ERICH6B: variants seen among roughly 807,000 people sequenced by gnomAD.
ERICH6B encodes glutamate rich 6B, also known as glutamate-rich protein 6B.
ERICH6B carries 69 observed loss-of-function variants against 80.0 expected under a neutral mutation model. The observed-to-expected ratio is 0.86, with a 90% CI of 0.71 to 1.05. The LOEUF (loss-of-function observed/expected upper bound fraction) is 1.05. ERICH6B is among the 50% of genes least tolerant of loss of function. ERICH6B has a pLI of 0.00. For synonymous variants in ERICH6B, 283 were observed against 291.9 expected, an observed-to-expected ratio of 0.97 and a Z score of 0.31; for missense variants, 754 against 796.1, an observed-to-expected ratio of 0.95 and a Z score of 0.64.
intron 3 of ERICH6B, among the ~76,000 whole-genome samples, chr13:45,595,524 T>C (rs1467725747): frequency 6.6e-6 from 1 of 151,954 alleles, no homozygotes; most frequent in Non-Finnish European, 1.5e-5. Flanking sequence ...TGTATATAAA[T>C]ATATGTGTGT....
intron 11 of ERICH6B, 140 bp from the exon 12 acceptor site, chr13:45,550,456 G>A: frequency 1.5e-6 from 1 of 645,456 alleles, no homozygotes; most frequent in Non-Finnish European, 2.7e-6. Flanking sequence ...GGAGCTGCGG[G>A]GCTTCAGTTT....
chr13:45,584,004 C>T (rs2985945), intron 5 of ERICH6B, among the ~76,000 whole-genome samples: 63,904 of 152,108 alleles, frequency 0.42, 14,561 homozygotes, highest in Non-Finnish European at 0.51. Flanking sequence ...CTACAGAGCT[C>T]CTTTCCTACG....
chr13:45,563,901 T>A (rs1874804498), intron 9 of ERICH6B, 113 bp from the exon 10 acceptor site: 5 of 837,126 alleles, frequency 6.0e-6, no homozygotes, highest in African/African-American at 3.4e-5. Context: ...CAGGTGGAAA[T>A]GGGGCCAATG....
In ERICH6B at chr13:45,587,067, A is replaced by C; in HGVS notation, c.852T>G (p.Thr284=). 1 of 1,551,232 alleles carries C rather than the reference A, an allele frequency of 6.4e-7. No homozygotes were observed. Among genetic ancestry groups the C allele is most frequent in the Admixed American group, 2.0e-5 (1 of 50,968 alleles). The stretch of plus-strand genomic sequence containing the variant: ...ACAGAGCGCAGCTTCCCTCACCGGC[A>C]GTTCTGTCGTAGCACCAGTCTGTCT... ...ASQTDWCYDR[T]AVKSLKSKSE... Residue 284 remains threonine (T), a synonymous_variant, in exon 5 of 15, where the codon ACT becomes ACG. Transcript: ENST00000298738.
intron 13 of ERICH6B, among the ~76,000 whole-genome samples, chr13:45,547,801 C>G (rs1424361843): frequency 1.3e-5 from 2 of 152,142 alleles, no homozygotes; most frequent in African/African-American, 4.8e-5. Flanking sequence ...GTTTGGTGAT[C>G]TCTCTTGATT....
intron 2 of ERICH6B, 103 bp from the exon 3 acceptor site, chr13:45,597,166 G>GGCTCTTTAAGTAT: frequency 2.5e-6 from 2 of 803,270 alleles, no homozygotes; most frequent in Non-Finnish European, 3.9e-6. Flanking sequence ...GTCTTTGGAG[G>GGCTCTTTAAGTAT]GCTCTTTAAG....
Position 45,541,524 on chromosome 13 carries a change from C to A in ERICH6B, c.2029G>T (p.Val677Phe), listed in dbSNP as rs371764533. 173 of 1,552,026 alleles carry A rather than the reference C, an allele frequency of 1.1e-4. 1 individual carries two copies. Among genetic ancestry groups the A allele is most frequent in the Non-Finnish European group, 1.4e-4 (164 of 1,147,068 alleles). ...TTGTTGTCCATCAGTGATATACTGA[C>A]GGCCTCTATGAAGTTTTCCAGATCA... ...TPDLENFIEAVSISLMDNKYL... is the reference protein window; with the variant it reads ...TPDLENFIEAFSISLMDNKYL... Residue 677 changes from valine (V) to phenylalanine (F), a missense_variant, in exon 15 of 15, where the codon GTC (valine) becomes TTC (phenylalanine). Coordinates refer to ENST00000298738, the MANE Select transcript of ERICH6B (RefSeq NM_182542.3).
rs528644808 is a variant in ERICH6B at position 45,595,503 on chromosome 13, G to GTA, written c.637+864_637+865dup. Among the ~76,000 whole-genome samples the GTA allele has an allele frequency of 9.9e-5, 15 of 151,932 alleles. No individual in the cohort carries two copies. In the South Asian group the frequency reaches 3.1e-3, roughly 32 times the overall value. On this transcript the variant is annotated intron_variant, in intron 3 of 14. Coordinates refer to ENST00000298738, the MANE Select transcript of ERICH6B (RefSeq NM_182542.3). ...TTATAAAAGAGGTGTGTGTGTATGT[G>GTA]TATATATATGTGTATATAAATATAT...
chr13:45,576,355 C>T (rs1450422339), intron 7 of ERICH6B, among the ~76,000 whole-genome samples: 1 of 152,224 alleles, frequency 6.6e-6, no homozygotes, highest in East Asian at 1.9e-4. Flanking sequence ...GCCACCCCCA[C>T]TGGGGTACCC....
chr13:45,545,189 C>A (rs1873946582), intron 13 of ERICH6B, among the ~76,000 whole-genome samples: 1 of 152,160 alleles, frequency 6.6e-6, no homozygotes. Context: ...CCCTGTCCTG[C>A]CCTCCTTCCC....
chr13:45,576,089 T>G (rs1371276596), intron 7 of ERICH6B, among the ~76,000 whole-genome samples: 1 of 152,210 alleles, frequency 6.6e-6, no homozygotes, highest in Non-Finnish European at 1.5e-5. Context: ...CTTTGTGATC[T>G]CTACACATTA....
chr13:45,551,435 C>G (rs949810399), intron 11 of ERICH6B: 8 of 152,112 alleles, frequency 5.3e-5, no homozygotes, highest in African/African-American at 1.9e-4. Flanking sequence ...TCCTCCTACT[C>G]CTCCTTCACA....
At chr13:45,610,147 A>G (rs146025483) in intron 1 of ERICH6B, among the ~76,000 whole-genome samples, 263 of 152,298 alleles carry the variant, frequency 1.7e-3, no homozygotes, top group African/African-American at 5.9e-3. Flanking sequence ...TGCAACTTCA[A>G]TCACTCCTGC....
At chr13:45,559,974 T>C (rs1184268064) in intron 11 of ERICH6B, among the ~76,000 whole-genome samples, 1 of 152,212 alleles carries the variant, frequency 6.6e-6, no homozygotes, top group Non-Finnish European at 1.5e-5. Flanking sequence ...ATGACCTGTC[T>C]AGTGCTGTCA....
At chr13:45,553,028 T>G (rs971392809) in intron 11 of ERICH6B, 1 of 245,422 alleles carries the variant, frequency 4.1e-6, no homozygotes, top group African/African-American at 2.3e-5. Context: ...TCTCTTGTTG[T>G]GAAGTCTTTA....
chr13:45,570,759 A>C (rs1302331933), intron 8 of ERICH6B, among the ~76,000 whole-genome samples: 1 of 151,990 alleles, frequency 6.6e-6, no homozygotes, highest in Admixed American at 6.6e-5. Context: ...CATTCACTCC[A>C]TTGCAGCTGC....
Position 45,549,930 on chromosome 13 carries a change from C to T in ERICH6B, c.1609G>A (p.Gly537Ser). ...TTTTCATCATAGAAGGTAGCATTGCCTGAGTTGTTGATAAGGGCCCGGATC... is the reference window on the plus strand; with the variant it reads ...TTTTCATCATAGAAGGTAGCATTGCTTGAGTTGTTGATAAGGGCCCGGATC... The part of the protein sequence containing the change: ...GRIRALINNS[G>S]NATFYDENSD... The change falls in exon 13 of 15, where the codon GGC becomes AGC. Residue 537 changes from glycine (G) to serine (S), a missense_variant. By Grantham distance (56) the Gly-to-Ser change is moderately conservative. Coordinates refer to ENST00000298738, the MANE Select transcript of ERICH6B (RefSeq NM_182542.3). 6.4e-7 allele frequency: 1 copy of T among 1,551,528 alleles called. No individual in the cohort carries two copies.
Position 45,590,642 on chromosome 13 carries a change from CTG to C in ERICH6B, c.686+5_686+6del. On this transcript the variant is annotated splice_donor_5th_base_variant and intron_variant, in intron 4 of 14. Coordinates refer to ENST00000298738, the MANE Select transcript of ERICH6B (RefSeq NM_182542.3). ...CCACCTGATTTATCCCAAAAGAAAACTGTTACCTTGCATCACGAAGAAGCATG... is the reference window on the plus strand; with the variant it reads ...CCACCTGATTTATCCCAAAAGAAAACTTACCTTGCATCACGAAGAAGCATG... 1.3e-6 allele frequency: 2 copies of C among 1,551,260 alleles called. No individual in the cohort carries two copies. Among genetic ancestry groups the C allele is most frequent in the Admixed American group, 3.9e-5 (2 of 50,910 alleles).
chr13:45,584,909 C>G (rs901497357), intron 5 of ERICH6B, among the ~76,000 whole-genome samples: 11 of 152,164 alleles, frequency 7.2e-5, no homozygotes, highest in Admixed American at 7.2e-4. Flanking sequence ...GCTTTCCCCT[C>G]CTGCACGGAT....
Sources: allele counts gnomAD v4.1 joint callset (sites outside exome capture counted in the v4.1 genomes callset), GRCh38; gene constraint gnomAD v4.1.1; transcripts MANE v1.5; gene names NCBI Gene and HGNC (gene_info 2026-07-23, HGNC 2026-07-21).